Variants in CCSER1 observed in about 807,000 individuals in gnomAD.
CCSER1 encodes the protein serine-rich coiled-coil domain-containing protein 1.
A neutral mutation model predicts 82.0 loss-of-function variants in CCSER1; 41 were observed. The observed-to-expected ratio is 0.50, with a 90% CI of 0.39 to 0.65. The LOEUF (loss-of-function observed/expected upper bound fraction) is 0.65. Ranked by LOEUF, CCSER1 falls within the 30% of genes least tolerant of loss-of-function variation. The probability of loss-of-function intolerance (pLI) is 0.00; values close to 1 mark genes in which losing one functional copy is unlikely to be tolerated. For missense variants in CCSER1, 1,119 were observed against 1,064.2 expected (o/e 1.05, Z -0.72); for synonymous variants, 414 against 383.9 (o/e 1.08, Z -0.92).
At chr4:91,387,719 A>T (rs1251250767) in intron 10 of CCSER1, among the ~76,000 whole-genome samples, 1 of 149,648 alleles carries the variant, frequency 6.7e-6, no homozygotes, top group African/African-American at 2.4e-5. Flanking sequence ...ACAAGGAGTT[A>T]ACTAAATGAT....
At chr4:91,232,262 T>C (rs1023410154) in intron 10 of CCSER1, among the ~76,000 whole-genome samples, 1 of 151,904 alleles carries the variant, frequency 6.6e-6, no homozygotes, top group Non-Finnish European at 1.5e-5. Flanking sequence ...TGTGAAATAA[T>C]GTATATATAA....
intron 7 of CCSER1, among the ~76,000 whole-genome samples, chr4:90,783,108 A>T (rs7340945): frequency 0.33 from 49,929 of 151,832 alleles, 9,726 homozygotes; most frequent in African/African-American, 0.55. Context: ...TGCCTGGCTA[A>T]TTTTTCTATT....
chr4:90,219,245 TG>T (rs1413845441), intron 1 of CCSER1, among the ~76,000 whole-genome samples: 3 of 152,168 alleles, frequency 2.0e-5, no homozygotes, highest in African/African-American at 7.2e-5. Context: ...ACGTATTTGT[TG>T]GGGATTGATG....
At chr4:90,747,237 C>T (rs975344761) in intron 7 of CCSER1, among the ~76,000 whole-genome samples, 7 of 152,130 alleles carry the variant, frequency 4.6e-5, no homozygotes, top group South Asian at 2.1e-4. Context: ...TTAATAATTT[C>T]GAGCCATCTT....
intron 10 of CCSER1, among the ~76,000 whole-genome samples, chr4:91,568,062 A>G (rs34993958): frequency 0.23 from 34,786 of 151,880 alleles, 4,192 homozygotes; most frequent in East Asian, 0.44. Flanking sequence ...TTCCTTCAAG[A>G]TTTGCTTATC....
chr4:90,819,093 T>C (rs1326490128), intron 8 of CCSER1, among the ~76,000 whole-genome samples: 1 of 152,174 alleles, frequency 6.6e-6, no homozygotes, highest in Non-Finnish European at 1.5e-5. Context: ...GCTGTCTTCC[T>C]GGCTTGCAGA....
intron 10 of CCSER1, among the ~76,000 whole-genome samples, chr4:91,253,788 C>T (rs1164912007): frequency 6.6e-6 from 1 of 152,094 alleles, no homozygotes; most frequent in East Asian, 1.9e-4. Context: ...CCTCAGGAAA[C>T]CTCCAGTCAT....
At chr4:91,143,037 G>C (rs1729188354) in intron 10 of CCSER1, among the ~76,000 whole-genome samples, 1 of 152,072 alleles carries the variant, frequency 6.6e-6, no homozygotes, top group Non-Finnish European at 1.5e-5. Flanking sequence ...TAATTTTATA[G>C]GAACAGTGTT....
intron 1 of CCSER1, among the ~76,000 whole-genome samples, chr4:90,284,944 T>A (rs2153462541): frequency 6.6e-6 from 1 of 152,220 alleles, no homozygotes; most frequent in African/African-American, 2.4e-5. Context: ...ATGAGTTTAC[T>A]CTAGATGTAT....
chr4:91,126,358 C>A lies in CCSER1; in HGVS notation c.2217+40364C>A, dbSNP rs73837278. ...TTAATGACTGTCCACCTTTCAGAAA[C>A]TTTTATGCTTTCTTCTGTCTCTCCA... is the stretch of plus-strand genomic sequence containing the variant. On this transcript the variant is annotated intron_variant, in intron 10 of 10. Transcript: ENST00000509176. 4.3e-3 allele frequency among the ~76,000 whole-genome samples: 657 copies of A among 151,952 alleles called. 5 individuals are homozygous for A. Among genetic ancestry groups the A allele is most frequent in the African/African-American group, 0.015 (616 of 41,552 alleles).
At chr4:90,796,048 G>A (rs1407374508) in intron 7 of CCSER1, among the ~76,000 whole-genome samples, 4 of 151,750 alleles carry the variant, frequency 2.6e-5, no homozygotes, top group Admixed American at 6.6e-5. Flanking sequence ...AGTTATGTGG[G>A]ATAGTTTCAG....
At chr4:90,248,262 G>A (rs1013889669) in intron 1 of CCSER1, among the ~76,000 whole-genome samples, 2 of 152,102 alleles carry the variant, frequency 1.3e-5, no homozygotes, top group African/African-American at 2.4e-5. Context: ...TCACACAACA[G>A]GTCCTTAATA....
chr4:91,557,754 G>T (rs1320299990), intron 10 of CCSER1, among the ~76,000 whole-genome samples: 7 of 151,274 alleles, frequency 4.6e-5, no homozygotes, highest in Admixed American at 2.0e-4. Context: ...TCAAGGAGTT[G>T]CAAGTAATAT....
intron 9 of CCSER1, among the ~76,000 whole-genome samples, chr4:90,985,463 A>G (rs1221085996): frequency 6.6e-6 from 1 of 151,796 alleles, no homozygotes; most frequent in Non-Finnish European, 1.5e-5. Context: ...CTTTCTTAAA[A>G]TCACACAGTT....
Position 90,620,298 on chromosome 4 carries a change from C to G in CCSER1, c.1725-7727C>G, listed in dbSNP as rs188914156. On this transcript the variant is annotated intron_variant, in intron 5 of 10. Coordinates refer to ENST00000509176, the MANE Select transcript of CCSER1 (RefSeq NM_001145065.2). The stretch of plus-strand genomic sequence containing the variant: ...GATGATACAATATGGTAAAAGAACA[C>G]TGGACTAGAAGTCAGGAAACCAGAA... Among the ~76,000 whole-genome samples the G allele has an allele frequency of 1.5e-4, 23 of 152,164 alleles. No individual in the cohort carries two copies. The Middle Eastern group carries it at 0.01, about 68-fold the overall frequency.
intron 9 of CCSER1, among the ~76,000 whole-genome samples, chr4:91,050,228 C>T (rs1248198220): frequency 6.6e-6 from 1 of 152,012 alleles, no homozygotes; most frequent in Non-Finnish European, 1.5e-5. Flanking sequence ...GTCAGGAGTT[C>T]GAAGTCAGCC....
chr4:91,550,521 G>C (rs1015119600), intron 10 of CCSER1, among the ~76,000 whole-genome samples: 1 of 152,182 alleles, frequency 6.6e-6, no homozygotes, highest in Non-Finnish European at 1.5e-5. Flanking sequence ...ATTATTTTAT[G>C]AATCTAAGAA....
chr4:90,749,795 G>A (rs1748255648), intron 7 of CCSER1, among the ~76,000 whole-genome samples: 1 of 151,784 alleles, frequency 6.6e-6, no homozygotes, highest in Non-Finnish European at 1.5e-5. Context: ...ACAGTCCTTT[G>A]GGTATATACC....
chr4:90,235,710 A>C (rs988452961), intron 1 of CCSER1, among the ~76,000 whole-genome samples: 7 of 152,208 alleles, frequency 4.6e-5, no homozygotes. Context: ...TTTGTAAAAA[A>C]AAAAATACTA....
Sources: allele counts gnomAD v4.1 joint callset (sites outside exome capture counted in the v4.1 genomes callset), GRCh38; gene constraint gnomAD v4.1.1; transcripts MANE v1.5; gene names NCBI Gene and HGNC (gene_info 2026-07-23, HGNC 2026-07-21).